Variants in ALAS1 observed in about 807,000 individuals in gnomAD.
ALAS1 encodes the protein 5-aminolevulinate synthase, non-specific, mitochondrial.
ALAS1 carries 29 observed loss-of-function variants against 59.6 expected under a neutral mutation model. The ratio of observed to expected loss-of-function variants is 0.49; its 90% CI spans 0.36 to 0.66. The LOEUF (loss-of-function observed/expected upper bound fraction) is 0.66, where lower values mean the gene tolerates loss of function less well. Ranked by LOEUF, ALAS1 falls within the 30% of genes least tolerant of loss-of-function variation. The probability of loss-of-function intolerance (pLI) is 0.00; values close to 1 mark genes in which losing one functional copy is unlikely to be tolerated. For synonymous variants in ALAS1, 299 were observed against 296.6 expected (o/e 1.01, Z -0.08); for missense variants, 690 against 807.5 (o/e 0.85, Z 1.76).
At chr3:52,202,793 G>T in intron 4 of ALAS1, 59 bp downstream of exon 4, 1 of 1,524,488 alleles carries the variant, frequency 6.6e-7, no homozygotes, top group Non-Finnish European at 9.0e-7. Flanking sequence ...GTTCTTTTGG[G>T]CCCTCAGATT....
chr3:52,212,144 G>T, intron 10 of ALAS1, 114 bp from the exon 11 acceptor site: 1 of 912,360 alleles, frequency 1.1e-6, no homozygotes, highest in Non-Finnish European at 1.7e-6. Flanking sequence ...GCTTGCATGT[G>T]TTGCTACAGT....
At chr3:52,206,172 T>C in intron 7 of ALAS1, 149 bp downstream of exon 7, 7 of 784,410 alleles carry the variant, frequency 8.9e-6, no homozygotes, top group Non-Finnish European at 1.4e-5. Context: ...CATGAAATGC[T>C]GACTGTACAT....
At position 52,208,166 on chromosome 3, in the gene ALAS1, G is replaced by C. The variant is rs1178628535; in HGVS notation, c.1249G>C (p.Gly417Arg). 7 of 1,613,782 alleles carry C rather than the reference G, an allele frequency of 4.3e-6. No individual in the cohort carries two copies. The highest frequency in any genetic ancestry group is 5.9e-6 in the Non-Finnish European group (7 of 1,179,770). ...ITFVDEVHAV[G>R]LYGARGGGIG... ...CTTCGTGGATGAGGTCCACGCAGTGGGGCTTTATGGGGCTCGAGGCGGAGG... is the reference window on the plus strand; with the variant it reads ...CTTCGTGGATGAGGTCCACGCAGTGCGGCTTTATGGGGCTCGAGGCGGAGG... Residue 417 changes from glycine to arginine, a missense_variant, in exon 9 of 12, where the codon GGG becomes CGG. By Grantham distance (125) the Gly-to-Arg change is moderately radical (BLOSUM62 -2). Coordinates refer to ENST00000484952, the MANE Select transcript of ALAS1 (RefSeq NM_000688.6).
At chr3:52,212,784 G>A (rs910673634) in intron 11 of ALAS1, among the ~76,000 whole-genome samples, 1 of 152,178 alleles carries the variant, frequency 6.6e-6, no homozygotes, top group East Asian at 1.9e-4. Context: ...ACCCACCTCA[G>A]CCTTCCAAAG....
intron 11 of ALAS1, among the ~76,000 whole-genome samples, chr3:52,212,775 C>T (rs987635075): frequency 6.6e-6 from 1 of 152,210 alleles, no homozygotes; most frequent in African/African-American, 2.4e-5. Flanking sequence ...AGGTGATCCA[C>T]CCACCTCAGC....
chr3:52,206,166 A>T, intron 7 of ALAS1, 143 bp downstream of exon 7: 1 of 805,382 alleles, frequency 1.2e-6, no homozygotes. Context: ...GTCAAGCATG[A>T]AATGCTGACT....
intron 3 of ALAS1, among the ~76,000 whole-genome samples, chr3:52,201,651 GGAGAGCTAAGGT>G (rs1699188515): frequency 6.6e-6 from 1 of 152,310 alleles, no homozygotes; most frequent in East Asian, 1.9e-4. Context: ...CAAGCTACTT[GGAGAGCTAAGGT>G]GAGAGGATCA....
At position 52,203,889 on chromosome 3, in the gene ALAS1, AG is replaced by A; in HGVS notation, c.455del (p.Ser152MetfsTer5). 6.2e-7 allele frequency: 1 copy of A among 1,608,798 alleles called. No homozygotes were observed. Among genetic ancestry groups the A allele is most frequent in the Non-Finnish European group, 8.5e-7 (1 of 1,177,356 alleles). The part of the protein sequence containing the change: ...KEVAETSAGP[S>X]VVSVKTDGGD... ...GGTTGCTGAAACCTCAGCAGGCCCC[AG>A]TGTGGTTAGTGTGAAAACCGATGGA... On this transcript the variant is annotated frameshift_variant, in exon 5 of 12. Transcript: ENST00000484952. LOFTEE classifies it high-confidence loss of function.
At chr3:52,207,280 G>C (rs1473648012) in intron 8 of ALAS1, among the ~76,000 whole-genome samples, 1 of 152,140 alleles carries the variant, frequency 6.6e-6, no homozygotes. Context: ...TGGAATTACA[G>C]GTGTGAGCCA....
intron 3 of ALAS1, among the ~76,000 whole-genome samples, chr3:52,201,943 C>T (rs996944888): frequency 6.6e-6 from 1 of 152,046 alleles, no homozygotes; most frequent in Non-Finnish European, 1.5e-5. Context: ...GGATTTATGA[C>T]GAGAAATACT....
In ALAS1 at chr3:52,214,099, G is replaced by T. The variant is rs1699467087; in HGVS notation, c.1842G>T (p.Arg614Ser). The change falls in exon 12 of 12, where the codon AGG (arginine) becomes AGT (serine). Residue 614 changes from arginine to serine, a missense_variant. Transcript: ENST00000484952. ...HSSAECNFCR[R>S]PLHFEVMSER... is the part of the protein sequence containing the mutation. ...CAGCTGAGTGCAACTTCTGCAGGAG[G>T]CCACTGCATTTTGAAGTGATGAGTG... The T allele has an allele frequency of 6.2e-7, 1 of 1,613,778 alleles. No individual in the cohort carries two copies. Among genetic ancestry groups the T allele is most frequent in the African/African-American group, 1.3e-5 (1 of 74,928 alleles).
intron 9 of ALAS1, among the ~76,000 whole-genome samples, chr3:52,210,856 A>G (rs1006763236): frequency 2.0e-5 from 3 of 152,140 alleles, no homozygotes; most frequent in African/African-American, 7.2e-5. Flanking sequence ...TGAGAATTGC[A>G]TCACTAGGCG....
chr3:52,203,348 C>G (rs951869716), intron 4 of ALAS1, among the ~76,000 whole-genome samples: 6 of 152,176 alleles, frequency 3.9e-5, no homozygotes, highest in African/African-American at 1.4e-4. Flanking sequence ...TAAGACCAGC[C>G]AGGCCAACAT....
At chr3:52,202,406 ATTAAGT>A in intron 3 of ALAS1, 95 bp from the exon 4 acceptor site, 2 of 944,808 alleles carry the variant, frequency 2.1e-6, no homozygotes, top group African/African-American at 1.6e-5. Context: ...TACAGTAAGT[ATTAAGT>A]TTATCTTTGA....
In ALAS1 at chr3:52,206,682, G is replaced by A; in HGVS notation, c.1096G>A (p.Glu366Lys). Residue 366 changes from glutamate (E) to lysine (K), a missense_variant, in exon 8 of 12, where the codon GAA becomes AAA. Transcript: ENST00000484952. ...FRHNDVSHLRELLQRSDPSVP... is the reference protein window; with the variant it reads ...FRHNDVSHLRKLLQRSDPSVP... Reference sequence around the variant, plus strand: ...CCACAATGATGTCAGCCACCTCAGAGAACTGCTGCAAAGATCTGACCCCTC... The same window carrying A: ...CCACAATGATGTCAGCCACCTCAGAAAACTGCTGCAAAGATCTGACCCCTC... 6.2e-7 allele frequency: 1 copy of A among 1,614,182 alleles called. No homozygotes were observed. The highest frequency in any genetic ancestry group is 8.5e-7 in the Non-Finnish European group (1 of 1,180,040).
chr3:52,208,052 C>A, intron 8 of ALAS1, 31 bp from the exon 9 acceptor site: 3 of 1,482,604 alleles, frequency 2.0e-6, no homozygotes, highest in African/African-American at 2.9e-5. Context: ...GCGGCAAAAG[C>A]TCTTCAGAGC....
At chr3:52,206,774 C>G (rs758943733) in intron 8 of ALAS1, 23 bp downstream of exon 8, 1 of 1,605,344 alleles carries the variant, frequency 6.2e-7, no homozygotes, top group African/African-American at 1.3e-5. Context: ...AGAGGTTCCT[C>G]TGAAACCTAA....
intron 10 of ALAS1, 93 bp downstream of exon 10, chr3:52,211,644 T>G: frequency 1.3e-6 from 2 of 1,532,132 alleles, no homozygotes; most frequent in Non-Finnish European, 1.8e-6. Flanking sequence ...AAGTTGGGCT[T>G]GAGCGGGGTG....
chr3:52,213,215 A>G (rs1424577744), intron 11 of ALAS1, among the ~76,000 whole-genome samples: 6 of 152,134 alleles, frequency 3.9e-5, no homozygotes, highest in African/African-American at 1.4e-4. Context: ...CCCATGTCCA[A>G]CCTAAAGGCA....
Sources: allele counts gnomAD v4.1 joint callset (sites outside exome capture counted in the v4.1 genomes callset), GRCh38; gene constraint gnomAD v4.1.1; transcripts MANE v1.5; gene names NCBI Gene and HGNC (gene_info 2026-07-23, HGNC 2026-07-21).